Variants in ADGRB3 observed in about 807,000 individuals in gnomAD.
ADGRB3 encodes adhesion G protein-coupled receptor B3, also known as brain-specific angiogenesis inhibitor 3.
ADGRB3 carries 37 observed loss-of-function variants against 193.4 expected under a neutral mutation model. The ratio of observed to expected loss-of-function variants is 0.19; its 90% confidence interval spans 0.15 to 0.25. The LOEUF is 0.25. Among genes scored for constraint, ADGRB3 ranks in the 10% least tolerant of loss-of-function variants. ADGRB3 has a pLI of 1.00. For synonymous variants in ADGRB3, 690 were observed against 644.2 expected, an observed-to-expected ratio of 1.07 and a Z score of -1.08; for missense variants, 1,637 against 1,852.9, an observed-to-expected ratio of 0.88 and a Z score of 2.14.
intron 17 of ADGRB3, among the ~76,000 whole-genome samples, chr6:69,098,270 C>T (rs1324557964): frequency 6.6e-6 from 1 of 152,154 alleles, no homozygotes. Flanking sequence ...AGACATAAAT[C>T]ACCTACTTCA....
chr6:69,004,497 T>C (rs1253915367), intron 11 of ADGRB3, among the ~76,000 whole-genome samples: 1 of 152,022 alleles, frequency 6.6e-6, no homozygotes, highest in Non-Finnish European at 1.5e-5. Context: ...ATGTGCCATG[T>C]TGGTGTGCTG....
intron 4 of ADGRB3, among the ~76,000 whole-genome samples, chr6:68,934,787 A>C (rs1022716126): frequency 1.3e-5 from 2 of 152,210 alleles, no homozygotes; most frequent in Admixed American, 6.5e-5. Context: ...ATCTTGATAG[A>C]GTATTCTTTA....
intron 20 of ADGRB3, among the ~76,000 whole-genome samples, chr6:69,289,526 A>T (rs1378007798): frequency 6.6e-6 from 1 of 152,074 alleles, no homozygotes; most frequent in Non-Finnish European, 1.5e-5. Context: ...TTCCTTTGCA[A>T]TCACACCTAT....
At chr6:68,812,285 A>G (rs966111300) in intron 3 of ADGRB3, among the ~76,000 whole-genome samples, 2 of 152,204 alleles carry the variant, frequency 1.3e-5, no homozygotes, top group Non-Finnish European at 2.9e-5. Flanking sequence ...GATGGATAAT[A>G]GAAATATTTA....
intron 16 of ADGRB3, among the ~76,000 whole-genome samples, chr6:69,074,440 G>T (rs531656461): frequency 9.2e-5 from 14 of 151,766 alleles, no homozygotes; most frequent in African/African-American, 3.1e-4. Flanking sequence ...TCTATATGTA[G>T]ACAACACTGA....
At chr6:69,180,413 C>T (rs1332383355) in intron 17 of ADGRB3, among the ~76,000 whole-genome samples, 2 of 152,264 alleles carry the variant, frequency 1.3e-5, no homozygotes, top group South Asian at 2.1e-4. Context: ...ATCAAAATGC[C>T]TAGAGAATCT....
Position 69,333,017 on chromosome 6 carries a change from C to G in ADGRB3, c.3188+9C>G, listed in dbSNP as rs970198292. On this transcript the variant is annotated intron_variant, in intron 24 of 31. Coordinates refer to ENST00000370598, the MANE Select transcript of ADGRB3 (RefSeq NM_001704.3). Reference sequence around the variant, plus strand: ...CTCAAACACAGAGCCGGGTAAGCTGCAATTGGTGGATTTTGAAGGTTATTT... The same window carrying G: ...CTCAAACACAGAGCCGGGTAAGCTGGAATTGGTGGATTTTGAAGGTTATTT... 1 of 1,612,182 alleles carries G rather than the reference C, an allele frequency of 6.2e-7. No individual in the cohort carries two copies. The highest frequency in any genetic ancestry group is 1.3e-5 in the African/African-American group (1 of 74,846).
At chr6:69,227,259 ATG>A (rs1222359631) in intron 17 of ADGRB3, among the ~76,000 whole-genome samples, 1 of 152,190 alleles carries the variant, frequency 6.6e-6, no homozygotes, top group Non-Finnish European at 1.5e-5. Flanking sequence ...GGGCGAATAT[ATG>A]TGTGTTAGGA....
chr6:68,664,476 G>A (rs1768751546), intron 3 of ADGRB3, among the ~76,000 whole-genome samples: 1 of 151,816 alleles, frequency 6.6e-6, no homozygotes, highest in Non-Finnish European at 1.5e-5. Flanking sequence ...TTTCTGCCAT[G>A]TGAGTCATAA....
intron 20 of ADGRB3, among the ~76,000 whole-genome samples, chr6:69,287,404 A>G (rs1283526325): frequency 2.0e-5 from 3 of 152,222 alleles, no homozygotes; most frequent in African/African-American, 4.8e-5. Context: ...ACTTACACCA[A>G]TGTTCAACAC....
At chr6:68,738,156 A>G (rs1039432687) in intron 3 of ADGRB3, among the ~76,000 whole-genome samples, 6 of 152,184 alleles carry the variant, frequency 3.9e-5, no homozygotes, top group Non-Finnish European at 5.9e-5. Context: ...ATGCAAATAC[A>G]TAAAACAAAA....
rs548005502 is a variant in ADGRB3, at chr6:69,333,006, C to T, written c.3186C>T (p.Ala1062=). 6.1e-5 allele frequency: 99 copies of T among 1,613,218 alleles called. No individual in the cohort carries two copies. The highest frequency in any genetic ancestry group is 3.7e-5 in the Non-Finnish European group (44 of 1,179,600). The change falls in exon 24 of 32, where the codon GCC becomes GCT. Residue 1062 remains alanine (A), a splice_region_variant and synonymous_variant. Coordinates refer to ENST00000370598, the MANE Select transcript of ADGRB3 (RefSeq NM_001704.3). ...GILDKKLKHR[A]GQMSEPHSGL... ...TAGATAAAAAGCTCAAACACAGAGC[C>T]GGGTAAGCTGCAATTGGTGGATTTT... is the stretch of plus-strand genomic sequence containing the variant.
At chr6:68,832,472 C>T (rs142032181) in intron 3 of ADGRB3, among the ~76,000 whole-genome samples, 2 of 152,228 alleles carry the variant, frequency 1.3e-5, no homozygotes, top group East Asian at 3.9e-4. Flanking sequence ...ATTAATTTGC[C>T]TCTAGACCCA....
At chr6:68,696,374 T>G (rs1765158077) in intron 3 of ADGRB3, among the ~76,000 whole-genome samples, 1 of 151,684 alleles carries the variant, frequency 6.6e-6, no homozygotes, top group Non-Finnish European at 1.5e-5. Context: ...ATTTTAAATT[T>G]TTATAGTTTC....
At chr6:68,877,289 T>C (rs1237805984) in intron 3 of ADGRB3, among the ~76,000 whole-genome samples, 1 of 152,068 alleles carries the variant, frequency 6.6e-6, no homozygotes, top group African/African-American at 2.4e-5. Context: ...CTTTAACCTT[T>C]AGGTGGCAGC....
At chr6:69,251,401 T>C (rs1178014995) in intron 20 of ADGRB3, among the ~76,000 whole-genome samples, 1 of 152,172 alleles carries the variant, frequency 6.6e-6, no homozygotes, top group East Asian at 1.9e-4. Context: ...TACTTTGTAA[T>C]CTTATTTTAA....
chr6:69,314,815 C>T (rs1768277782), intron 20 of ADGRB3, among the ~76,000 whole-genome samples: 1 of 151,414 alleles, frequency 6.6e-6, no homozygotes, highest in Non-Finnish European at 1.5e-5. Context: ...CAAAAGGCTT[C>T]TGATTCTATT....
intron 17 of ADGRB3, among the ~76,000 whole-genome samples, chr6:69,148,751 G>C (rs1774578125): frequency 6.6e-6 from 1 of 151,966 alleles, no homozygotes. Flanking sequence ...GCTTTTCTTT[G>C]TCTGGGAAAG....
In ADGRB3 at chr6:69,164,451, C is replaced by T. The variant is rs377051335; in HGVS notation, c.2481-68839C>T. On this transcript the variant is annotated intron_variant, in intron 17 of 31. Coordinates refer to ENST00000370598, the MANE Select transcript of ADGRB3 (RefSeq NM_001704.3). ...GCGGTAAGCAGATGTTATCACATAT[C>T]CAGACATTGGAGTGATTTCATGAAG... 1.2e-3 allele frequency among the ~76,000 whole-genome samples: 186 copies of T among 151,958 alleles called. 2 individuals carry two copies. In the South Asian group the frequency reaches 0.031, roughly 25 times the overall value.
Sources: gnomAD v4.1 joint callset for allele counts (sites outside exome capture counted in the v4.1 genomes callset) on GRCh38, gnomAD v4.1.1 for gene constraint, MANE v1.5 for transcripts, NCBI Gene and HGNC (gene_info 2026-07-23, HGNC 2026-07-21) for gene names.